The following ABLIM3 variants were observed in gnomAD, a reference collection of about 807,000 sequenced individuals.
ABLIM3 encodes actin binding LIM protein family member 3, also known as actin-binding LIM protein 3.
A neutral mutation model predicts 109.5 loss-of-function variants in ABLIM3; 61 were observed. That is an observed-to-expected ratio of 0.56 (90% CI 0.45 to 0.69). The LOEUF (loss-of-function observed/expected upper bound fraction) is 0.69, where lower values mean the gene tolerates loss of function less well. Among genes scored for constraint, ABLIM3 ranks in the 30% least tolerant of loss-of-function variants. The pLI, the probability that ABLIM3 is intolerant of heterozygous loss-of-function variation, is 0.00. For synonymous variants in ABLIM3, 300 were observed against 324.8 expected, an observed-to-expected ratio of 0.92 and a Z score of 0.82; for missense variants, 796 against 889.5, an observed-to-expected ratio of 0.89 and a Z score of 1.34.
At chr5:149,171,179 G>C (rs1755382462) in intron 2 of ABLIM3, among the ~76,000 whole-genome samples, 1 of 152,124 alleles carries the variant, frequency 6.6e-6, no homozygotes, top group Non-Finnish European at 1.5e-5. Flanking sequence ...CTTAGCATTA[G>C]AGATGCAATA....
chr5:149,156,838 G>A (rs1753899227), intron 2 of ABLIM3, among the ~76,000 whole-genome samples: 1 of 152,182 alleles, frequency 6.6e-6, no homozygotes, highest in Admixed American at 6.5e-5. Flanking sequence ...TAAAGAAATG[G>A]GTAGAGCTGT....
intron 23 of ABLIM3, among the ~76,000 whole-genome samples, chr5:149,254,778 A>G (rs1239959797): frequency 6.6e-6 from 1 of 152,196 alleles, no homozygotes; most frequent in African/African-American, 2.4e-5. Context: ...GCCAGTTTTT[A>G]GGGATGGAAA....
intron 2 of ABLIM3, among the ~76,000 whole-genome samples, chr5:149,165,656 T>C (rs1043092462): frequency 7.9e-5 from 12 of 152,204 alleles, no homozygotes; most frequent in African/African-American, 2.2e-4. Context: ...GTCTTTTGTA[T>C]GTACGCTGCC....
Position 149,144,372 on chromosome 5 carries a change from T to A in ABLIM3, c.13+2264T>A, listed in dbSNP as rs540156313. 8.7e-4 allele frequency among the ~76,000 whole-genome samples: 132 copies of A among 152,204 alleles called. 2 individuals carry two copies. Among genetic ancestry groups the A allele is most frequent in the Non-Finnish European group, 1.5e-3 (104 of 68,004 alleles). On this transcript the variant is annotated intron_variant, in intron 2 of 23. Transcript: ENST00000309868. ...AGTCTGCAAATGCAGAGAGTAGACATCAGACCTCACAAGAAAAGGAGTAAC... is the reference window on the plus strand; with the variant it reads ...AGTCTGCAAATGCAGAGAGTAGACAACAGACCTCACAAGAAAAGGAGTAAC...
At chr5:149,197,763 G>A (rs1353231474) in intron 3 of ABLIM3, among the ~76,000 whole-genome samples, 5 of 152,224 alleles carry the variant, frequency 3.3e-5, no homozygotes, top group Admixed American at 3.3e-4. Flanking sequence ...TCCACCAGCT[G>A]TGTGGCCTTG....
chr5:149,246,609 T>C (rs540138101), intron 17 of ABLIM3, 63 bp downstream of exon 17: 3 of 1,534,900 alleles, frequency 2.0e-6, no homozygotes, highest in Admixed American at 2.0e-5. Context: ...GGTCTTTTCA[T>C]TTACAAGCAA....
intron 2 of ABLIM3, among the ~76,000 whole-genome samples, chr5:149,180,257 G>A (rs909493332): frequency 6.6e-6 from 1 of 152,122 alleles, no homozygotes; most frequent in Non-Finnish European, 1.5e-5. Flanking sequence ...TGCATTTTCT[G>A]AAATAAAAAT....
At chr5:149,168,533 T>C (rs1444313897) in intron 2 of ABLIM3, among the ~76,000 whole-genome samples, 1 of 152,178 alleles carries the variant, frequency 6.6e-6, no homozygotes, top group African/African-American at 2.4e-5. Flanking sequence ...TGATGGGAGA[T>C]GGCTTTAATA....
chr5:149,235,721 T>G (rs192180057), intron 10 of ABLIM3, among the ~76,000 whole-genome samples: 3 of 152,270 alleles, frequency 2.0e-5, no homozygotes, highest in Non-Finnish European at 4.4e-5. Context: ...AATAAAGGCT[T>G]TTTTTACCCA....
In ABLIM3 at chr5:149,198,488, G is replaced by T; in HGVS notation, c.335+86G>T. The T allele has an allele frequency of 2.1e-6, 3 of 1,438,328 alleles. No individual in the cohort carries two copies. The South Asian group carries it at 4.4e-5, about 21-fold the overall frequency. The allele number at this position is 1,438,328 out of a possible 1,614,324, so 89.1% of individuals were successfully genotyped here. ...CCTGGCTTTTTCCAGGAAGTTCTGG[G>T]GTTTACAAGGTTTGTGCTGCACATT... On this transcript the variant is annotated intron_variant, in intron 4 of 23. Transcript: ENST00000309868. This position sits in a 1 kb window ranked among gnomAD's most constrained non-coding sequence, Gnocchi z 4.2.
chr5:149,162,048 T>C (rs903822862), intron 2 of ABLIM3, among the ~76,000 whole-genome samples: 1 of 152,180 alleles, frequency 6.6e-6, no homozygotes, highest in African/African-American at 2.4e-5. Context: ...GGAGTGATCC[T>C]TGCCTCACCT....
intron 9 of ABLIM3, 100 bp downstream of exon 9, chr5:149,230,807 T>C (rs1370135620): frequency 1.5e-6 from 2 of 1,339,460 alleles, no homozygotes; most frequent in South Asian, 2.4e-5. Flanking sequence ...CATTCCTTAG[T>C]GTGCACACTC....
At position 149,246,455 on chromosome 5, in the gene ABLIM3, G is replaced by A. The variant is rs570351409; in HGVS notation, c.1487-27G>A. 270 of 1,613,366 alleles carry A rather than the reference G, an allele frequency of 1.7e-4. 1 individual carries two copies. In the South Asian group the frequency reaches 2.8e-3, roughly 17 times the overall value. On this transcript the variant is annotated intron_variant, in intron 16 of 23. Coordinates refer to ENST00000309868, the MANE Select transcript of ABLIM3 (RefSeq NM_014945.5). ...CAGGCTGAGTGGGGTGCACATGCCG[G>A]AGCTGATCTTTTCTGTCTTTTGACA...
At chr5:149,245,305 G>A (rs1753239216) in intron 16 of ABLIM3, among the ~76,000 whole-genome samples, 1 of 152,194 alleles carries the variant, frequency 6.6e-6, no homozygotes, top group Non-Finnish European at 1.5e-5. Context: ...TGATGGCAGG[G>A]GCCTGCTGTC....
intron 8 of ABLIM3, among the ~76,000 whole-genome samples, chr5:149,224,689 A>G (rs1173449582): frequency 6.6e-6 from 1 of 152,214 alleles, no homozygotes; most frequent in Non-Finnish European, 1.5e-5. Flanking sequence ...TAGGTGGAGG[A>G]GAGGAGACAA....
intron 19 of ABLIM3, 94 bp from the exon 20 acceptor site, chr5:149,250,353 G>A (rs1753800039): frequency 2.3e-6 from 3 of 1,283,658 alleles, no homozygotes; most frequent in Non-Finnish European, 3.4e-6. Flanking sequence ...CTGCTAGGTT[G>A]GGAGCAGTGT....
chr5:149,179,729 T>C (rs1043015025), intron 2 of ABLIM3, among the ~76,000 whole-genome samples: 4 of 152,156 alleles, frequency 2.6e-5, no homozygotes, highest in Non-Finnish European at 5.9e-5. Flanking sequence ...GGCTGTACTG[T>C]CATTATGGTA....
intron 2 of ABLIM3, among the ~76,000 whole-genome samples, chr5:149,143,366 A>T (rs1462773159): frequency 6.6e-6 from 1 of 151,694 alleles, no homozygotes; most frequent in African/African-American, 2.4e-5. Context: ...CTGTCTCAAA[A>T]AATAATAATA....
intron 19 of ABLIM3, 33 bp downstream of exon 19, chr5:149,249,877 A>G (rs749475620): frequency 1.2e-6 from 2 of 1,613,580 alleles, no homozygotes; most frequent in Non-Finnish European, 1.7e-6. Flanking sequence ...TCAGCCCATC[A>G]TGTCCCATGA....
Sources: allele counts gnomAD v4.1 joint callset (sites outside exome capture counted in the v4.1 genomes callset), GRCh38; gene constraint gnomAD v4.1.1; non-coding constraint Gnocchi (gnomAD v3.1); transcripts MANE v1.5; gene names NCBI Gene and HGNC (gene_info 2026-07-23, HGNC 2026-07-21).